The following PLA2G4D variants were observed in gnomAD, a reference collection of about 807,000 sequenced individuals.
PLA2G4D encodes cytosolic phospholipase A2 delta.
In PLA2G4D, 80 loss-of-function variants were observed where a neutral mutation model predicts 94.4. That is an observed-to-expected ratio of 0.85 (90% CI 0.71 to 1.02). PLA2G4D has a LOEUF of 1.02. Among genes scored for constraint, PLA2G4D ranks in the 50% least tolerant of loss-of-function variants. The pLI is 0.00. For synonymous variants in PLA2G4D, 438 were observed against 440.9 expected, an observed-to-expected ratio of 0.99 and a Z score of 0.08; for missense variants, 1,050 against 1,034.7, an observed-to-expected ratio of 1.01 and a Z score of -0.20.
At position 42,079,517 on chromosome 15, in the gene PLA2G4D, C is replaced by G. The variant is rs112756552; in HGVS notation, c.1317+20G>C. The G allele has an allele frequency of 7.8e-3, 12,343 of 1,575,562 alleles. 284 individuals carry two copies. Among genetic ancestry groups the G allele is most frequent in the African/African-American group, 0.072 (5,312 of 73,954 alleles). ...CCGCGGTGCACACACGCGTCTCCCC[C>G]ACGTGCGCAGGCGCCCTACCTGGCC... On this transcript the variant is annotated intron_variant, in intron 13 of 19. Coordinates refer to ENST00000290472, the MANE Select transcript of PLA2G4D (RefSeq NM_178034.4).
intron 1 of PLA2G4D, among the ~76,000 whole-genome samples, chr15:42,088,788 G>T (rs950974572): frequency 6.6e-6 from 1 of 152,174 alleles, no homozygotes; most frequent in African/African-American, 2.4e-5. Context: ...TAGAACAGGG[G>T]CTGTCAGGAA....
At chr15:42,076,684 T>G (rs1400585472) in intron 13 of PLA2G4D, among the ~76,000 whole-genome samples, 1 of 152,214 alleles carries the variant, frequency 6.6e-6, no homozygotes, top group African/African-American at 2.4e-5. Flanking sequence ...TCACACCCCA[T>G]AGTTAAACAA....
At chr15:42,076,369 A>G (rs1889927077) in intron 13 of PLA2G4D, among the ~76,000 whole-genome samples, 1 of 152,212 alleles carries the variant, frequency 6.6e-6, no homozygotes, top group Non-Finnish European at 1.5e-5. Context: ...ATGTATAGGA[A>G]GATATTTTAT....
chr15:42,072,507 C>A (rs753028247), intron 13 of PLA2G4D, 115 bp from the exon 14 acceptor site: 25 of 785,810 alleles, frequency 3.2e-5, no homozygotes, highest in Non-Finnish European at 5.3e-5. Context: ...GGCAGCTCCT[C>A]CCGTGGGGTC....
At chr15:42,086,518 A>T (rs1244207875) in intron 3 of PLA2G4D, among the ~76,000 whole-genome samples, 174 bp from the exon 4 acceptor site, 1 of 152,206 alleles carries the variant, frequency 6.6e-6, no homozygotes, top group East Asian at 1.9e-4. Flanking sequence ...AATCTTATTA[A>T]ATTTCAAATT....
chr15:42,069,825 C>T, intron 19 of PLA2G4D, 84 bp downstream of exon 19: 1 of 1,200,242 alleles, frequency 8.3e-7, no homozygotes, highest in Non-Finnish European at 1.1e-6. Flanking sequence ...ACTCATTTCC[C>T]TTCCCTCTGC....
chr15:42,070,096 C>G lies in PLA2G4D; in HGVS notation c.2044-1G>C. On this transcript the variant is annotated splice_acceptor_variant, in intron 18 of 19. Transcript: ENST00000290472. LOFTEE classifies it high-confidence loss of function. ...AGTACAGCTCCGTCTGCTGCAGTGC[C>G]TGGTGGGGAGAAGGTGGCCCGGAGA... 6.6e-7 allele frequency: 1 copy of G among 1,503,904 alleles called. No individual in the cohort carries two copies. The highest frequency in any genetic ancestry group is 8.9e-7 in the Non-Finnish European group (1 of 1,129,214). 93.2% of individuals were successfully genotyped at this position (1,503,904 alleles called of 1,614,324 possible).
intron 1 of PLA2G4D, among the ~76,000 whole-genome samples, chr15:42,089,953 G>C (rs1890220632): frequency 6.6e-6 from 1 of 152,170 alleles, no homozygotes; most frequent in Non-Finnish European, 1.5e-5. Context: ...TTCCCCGGCA[G>C]GTTATTTTCC....
chr15:42,073,638 G>A lies in PLA2G4D; in HGVS notation c.1318-1246C>T, dbSNP rs751727569. ...CCTGCCGCAGCAGCCCTTATCATCA[G>A]AGTGACTCAGTGAATGTGTACACGT... On this transcript the variant is annotated intron_variant, in intron 13 of 19. Coordinates refer to ENST00000290472, the MANE Select transcript of PLA2G4D (RefSeq NM_178034.4). Among the ~76,000 whole-genome samples, 66 of 152,306 alleles carry A rather than the reference G, an allele frequency of 4.3e-4. 1 individual carries two copies. The highest frequency in any genetic ancestry group is 7.2e-4 in the Non-Finnish European group (49 of 68,020).
At chr15:42,088,821 G>T (rs546382005) in intron 1 of PLA2G4D, among the ~76,000 whole-genome samples, 1 of 152,288 alleles carries the variant, frequency 6.6e-6, no homozygotes, top group African/African-American at 2.4e-5. Flanking sequence ...GTGCCGGGGA[G>T]TGGGGCAGTG....
Position 42,094,550 on chromosome 15 carries a change from C to G in PLA2G4D, c.-91G>C. 6.7e-7 allele frequency: 1 copy of G among 1,495,618 alleles called. No homozygotes were observed. The allele number at this position is 1,495,618 out of a possible 1,614,324, so 92.6% of individuals were successfully genotyped here. A position where few individuals can be genotyped will look rare whatever the true frequency, so the allele number is the denominator to read the frequency against. On this transcript the variant is annotated 5_prime_UTR_variant, in exon 1 of 20. Transcript: ENST00000290472. The stretch of plus-strand genomic sequence containing the variant: ...CAGCGACGGTCCCAGTGGGATAGGA[C>G]CAGCATGAATCTGCCAGCCTTCAAT...
At position 42,085,189 on chromosome 15, in the gene PLA2G4D, G is replaced by T. The variant is rs187326785; in HGVS notation, c.429-51C>A. 7.0e-5 allele frequency: 113 copies of T among 1,606,842 alleles called. 1 individual carries two copies. The South Asian group carries it at 1.1e-3, about 15-fold the overall frequency. ...CAAACGCTTCCTGCATTGACCTCCC[G>T]CTCCCGCCCATGTGGGGTCTCCCTG... On this transcript the variant is annotated intron_variant, in intron 5 of 19. Coordinates refer to ENST00000290472, the MANE Select transcript of PLA2G4D (RefSeq NM_178034.4).
intron 7 of PLA2G4D, 152 bp from the exon 8 acceptor site, chr15:42,083,486 G>C: frequency 7.8e-7 from 1 of 1,285,746 alleles, no homozygotes; most frequent in Non-Finnish European, 1.1e-6. Context: ...CCCAGCCCAA[G>C]GGGCCCCACA....
intron 11 of PLA2G4D, 45 bp from the exon 12 acceptor site, chr15:42,081,178 G>A: frequency 1.6e-5 from 25 of 1,595,730 alleles, no homozygotes; most frequent in Non-Finnish European, 2.1e-5. Context: ...AAAGGGGCCA[G>A]CTGCCTCCTG....
rs746216549 is a variant in PLA2G4D, at chr15:42,083,719, C to A, written c.532G>T (p.Ala178Ser). 1.2e-6 allele frequency: 2 copies of A among 1,614,074 alleles called. No homozygotes were observed. The highest frequency in any genetic ancestry group is 4.5e-5 in the East Asian group (2 of 44,890). The change falls in exon 7 of 20, where the codon GCA becomes TCA. Residue 178 changes from alanine (A) to serine (S), a missense_variant. By Grantham distance (99) the Ala-to-Ser change is moderately conservative. Transcript: ENST00000290472. ...CCTGGTTCTAAGCTGGTCTCACCTG[C>A]AACCACAGCGGTGCTCCCTGTGCTG... ...LDSTGSTAVVADQDKLELELV... is the reference protein window; with the variant it reads ...LDSTGSTAVVSDQDKLELELV...
chr15:42,078,965 C>A (rs1283145787), intron 13 of PLA2G4D, among the ~76,000 whole-genome samples: 1 of 152,186 alleles, frequency 6.6e-6, no homozygotes, highest in East Asian at 1.9e-4. Flanking sequence ...TGTCTTGATG[C>A]TGTTAGAATA....
At chr15:42,093,039 C>T (rs1566867307) in intron 1 of PLA2G4D, among the ~76,000 whole-genome samples, 1 of 152,116 alleles carries the variant, frequency 6.6e-6, no homozygotes, top group Non-Finnish European at 1.5e-5. Flanking sequence ...GCTGAGTCTC[C>T]TGGACCACAC....
intron 1 of PLA2G4D, among the ~76,000 whole-genome samples, chr15:42,092,428 T>G (rs1890260906): frequency 6.6e-6 from 1 of 152,206 alleles, no homozygotes; most frequent in African/African-American, 2.4e-5. Context: ...TTTTCATAGA[T>G]TTGTCTAATT....
Position 42,079,623 on chromosome 15 carries a change from C to G in PLA2G4D, c.1231G>C (p.Glu411Gln). The G allele has an allele frequency of 6.2e-7, 1 of 1,611,840 alleles. No individual in the cohort carries two copies. Among genetic ancestry groups the G allele is most frequent in the East Asian group, 2.2e-5 (1 of 44,792 alleles). ...SPERLASYRR[E>Q]LELRAEQGHP... ...CCCTGCTCAGCCCGCAGCTCCAGCT[C>G]CCGGCGGTAGCTCGCCAGGCGCTCT... The change falls in exon 13 of 20, where the codon GAG becomes CAG. Residue 411 changes from glutamate (E) to glutamine (Q), a missense_variant. Glu to Gln is a conservative substitution (Grantham distance 29). Transcript: ENST00000290472.
Sources: allele counts gnomAD v4.1 joint callset (sites outside exome capture counted in the v4.1 genomes callset), GRCh38; gene constraint gnomAD v4.1.1; transcripts MANE v1.5; gene names NCBI Gene and HGNC (gene_info 2026-07-23, HGNC 2026-07-21).